The following NFASC variants were observed in gnomAD, a reference collection of about 807,000 sequenced individuals.
NFASC encodes the protein neurofascin homolog.
NFASC carries 43 observed loss-of-function variants against 147.5 expected under a neutral mutation model. That is an observed-to-expected ratio of 0.29 (90% CI 0.23 to 0.38). The LOEUF (loss-of-function observed/expected upper bound fraction) is 0.38, where lower values mean the gene tolerates loss of function less well. Ranked by LOEUF, NFASC falls within the 10% of genes least tolerant of loss-of-function variation. NFASC has a pLI of 1.00. For missense variants in NFASC, 1,320 were observed against 1,689.0 expected, an observed-to-expected ratio of 0.78 and a Z score of 3.83; for synonymous variants, 622 against 665.5, an observed-to-expected ratio of 0.93 and a Z score of 1.01.
intron 10 of NFASC, among the ~76,000 whole-genome samples, chr1:204,969,392 G>T (rs2095126948): frequency 6.6e-6 from 1 of 152,160 alleles, no homozygotes; most frequent in Non-Finnish European, 1.5e-5. Flanking sequence ...CTGGGGAGTG[G>T]TCATGGCCAA....
At chr1:204,933,227 A>G (rs1573276815) in intron 2 of NFASC, among the ~76,000 whole-genome samples, 1 of 152,218 alleles carries the variant, frequency 6.6e-6, no homozygotes, top group Admixed American at 6.5e-5. Context: ...GATTGGATGG[A>G]GGAGACCAAC....
intron 24 of NFASC, 84 bp from the exon 25 acceptor site, chr1:204,997,086 G>A: frequency 6.5e-7 from 1 of 1,547,360 alleles, no homozygotes; most frequent in African/African-American, 1.4e-5. Context: ...TCACCGGGCT[G>A]CCTGCCTTGC....
chr1:205,012,904 C>T, intron 29 of NFASC, 38 bp downstream of exon 29: 1 of 1,460,686 alleles, frequency 6.8e-7, no homozygotes, highest in Non-Finnish European at 9.6e-7. Flanking sequence ...GGCAGGCTGT[C>T]CTCCCTGTCC....
intron 21 of NFASC, among the ~76,000 whole-genome samples, chr1:204,982,360 C>A (rs1421643952): frequency 6.6e-6 from 1 of 152,260 alleles, no homozygotes; most frequent in South Asian, 2.1e-4. Context: ...GATCCCCTGG[C>A]AGTCTGCCTT....
At chr1:204,977,560 T>G (rs2095432122) in intron 16 of NFASC, 121 bp from the exon 17 acceptor site, 1 of 806,270 alleles carries the variant, frequency 1.2e-6, no homozygotes, top group Non-Finnish European at 2.0e-6. Flanking sequence ...GGGACAGCCC[T>G]GCCTAGAACA....
chr1:205,012,754 C>T lies in NFASC; in HGVS notation c.3422-43C>T, dbSNP rs375487127. On this transcript the variant is annotated intron_variant, in intron 28 of 29. Coordinates refer to ENST00000339876, the MANE Select transcript of NFASC (RefSeq NM_001005388.3). ...GAGCCCTAGAGAGCAGGGGCATGTA[C>T]TTAATCGTCGTGTCTGTGTCTTTGC... is the stretch of plus-strand genomic sequence containing the variant. 3.5e-5 allele frequency: 51 copies of T among 1,449,670 alleles called. No individual in the cohort carries two copies. The African/African-American group carries it at 6.8e-4, about 19-fold the overall frequency. The allele number at this position is 1,449,670 out of a possible 1,614,324, so 89.8% of individuals were successfully genotyped here.
At chr1:204,957,852 C>T (rs7519658) in intron 8 of NFASC, 26 bp downstream of exon 8, 350,422 of 1,610,192 alleles carry the variant, frequency 0.22, 41,202 homozygotes, top group African/African-American at 0.3. Flanking sequence ...TGTCCCGGGG[C>T]TGGGGGCCAA....
At position 204,881,777 on chromosome 1, in the gene NFASC, G is replaced by A. The variant is rs574900924; in HGVS notation, c.-199-38855G>A. Among the ~76,000 whole-genome samples the A allele has an allele frequency of 3.9e-4, 59 of 152,238 alleles. 1 individual carries two copies. The highest frequency in any genetic ancestry group is 1.4e-3 in the African/African-American group (57 of 41,558). On this transcript the variant is annotated intron_variant, in intron 1 of 29. Transcript: ENST00000339876. ...CTTTAGCCAGGTTCCTGAACCTTCC[G>A]CTAGGCCTACCTCGGCACTTCCTTA...
intron 20 of NFASC, 87 bp from the exon 21 acceptor site, chr1:204,981,711 T>A (rs766321083): frequency 3.6e-6 from 3 of 829,656 alleles, no homozygotes; most frequent in Non-Finnish European, 5.6e-6. Context: ...CTGGAAGGGA[T>A]GCCTGGCACA....
Position 204,946,482 on chromosome 1 carries a change from C to A in NFASC, c.91+2076C>A, listed in dbSNP as rs952299737. 5 of 414,578 alleles carry A rather than the reference C, an allele frequency of 1.2e-5. No homozygotes were observed. In the Admixed American group the frequency reaches 1.2e-4, roughly 10 times the overall value. 25.7% of individuals were successfully genotyped at this position (414,578 alleles called of 1,614,324 possible). A position where few individuals can be genotyped will look rare whatever the true frequency, so the allele number is the denominator to read the frequency against. On this transcript the variant is annotated intron_variant, in intron 3 of 29. Coordinates refer to ENST00000339876, the MANE Select transcript of NFASC (RefSeq NM_001005388.3). ...GAGACCCAGGCTGCCCGGAGCATGC[C>A]CCACACACATGGCACCTCCCCGGTT...
rs2094168322 is a variant in NFASC at position 204,952,265 on chromosome 1, G to C, written c.215+149G>C. 3.3e-5 allele frequency: 21 copies of C among 634,998 alleles called. No homozygotes were observed. The South Asian group carries it at 4.1e-4, about 12-fold the overall frequency. The allele number at this position is 634,998 out of a possible 1,614,324, so 39.3% of individuals were successfully genotyped here. A position where few individuals can be genotyped will look rare whatever the true frequency, so the allele number is the denominator to read the frequency against. The stretch of plus-strand genomic sequence containing the variant: ...CCTACTAGGTGGAAGGCATAATTGA[G>C]GTACCAGGAAATTTTGCCGGTAAGC... On this transcript the variant is annotated intron_variant, in intron 5 of 29. Coordinates refer to ENST00000339876, the MANE Select transcript of NFASC (RefSeq NM_001005388.3).
In NFASC at chr1:204,970,529, C is replaced by T. The variant is rs1041389675; in HGVS notation, c.1004-87C>T. The T allele has an allele frequency of 3.6e-5, 54 of 1,509,266 alleles. No homozygotes were observed. In the Middle Eastern group the frequency reaches 7.2e-4, roughly 20 times the overall value. 93.5% of individuals were successfully genotyped at this position (1,509,266 alleles called of 1,614,324 possible). ...CACGTGGTGCTGGGACTCAGGGGCT[C>T]CTGCCATACTAGAGGGAGACTGCTT... On this transcript the variant is annotated intron_variant, in intron 10 of 29. Coordinates refer to ENST00000339876, the MANE Select transcript of NFASC (RefSeq NM_001005388.3).
intron 1 of NFASC, among the ~76,000 whole-genome samples, chr1:204,873,040 T>C (rs1449668956): frequency 6.6e-6 from 1 of 152,160 alleles, no homozygotes; most frequent in Non-Finnish European, 1.5e-5. Flanking sequence ...CCATGTTGCC[T>C]CTCAGTAGAA....
At chr1:204,973,234 C>G in intron 11 of NFASC, 42 bp from the exon 12 acceptor site, 1 of 1,609,384 alleles carries the variant, frequency 6.2e-7, no homozygotes, top group South Asian at 1.1e-5. Flanking sequence ...TTCACCCTGC[C>G]CTCCCCATCT....
chr1:204,853,662 T>A (rs765852569), intron 1 of NFASC, among the ~76,000 whole-genome samples: 3 of 152,212 alleles, frequency 2.0e-5, no homozygotes, highest in Non-Finnish European at 4.4e-5. Flanking sequence ...TATCTCTTGG[T>A]ATTGTGCCAA....
chr1:204,854,668 A>G (rs1436147353), intron 1 of NFASC, among the ~76,000 whole-genome samples: 5 of 152,224 alleles, frequency 3.3e-5, no homozygotes, highest in African/African-American at 1.2e-4. Flanking sequence ...CTTAGTGCCA[A>G]CTTAGCACTG....
At chr1:204,997,448 C>T (rs774707959) in intron 25 of NFASC, 42 bp downstream of exon 25, 18 of 1,550,814 alleles carry the variant, frequency 1.2e-5, no homozygotes, top group East Asian at 2.4e-5. Context: ...TCCTGGCCCG[C>T]CTCCCCAGCG....
chr1:204,865,349 T>C (rs2077024921), intron 1 of NFASC, among the ~76,000 whole-genome samples: 2 of 152,234 alleles, frequency 1.3e-5, no homozygotes, highest in Admixed American at 6.5e-5. Flanking sequence ...TCTCAAAATA[T>C]CTTAATGTAC....
At chr1:204,973,169 C>T (rs923525326) in intron 11 of NFASC, 107 bp from the exon 12 acceptor site, 15 of 1,210,054 alleles carry the variant, frequency 1.2e-5, no homozygotes, top group Non-Finnish European at 1.8e-5. Context: ...CCATCTGGTG[C>T]TCCCCACAGC....
Sources: allele counts gnomAD v4.1 joint callset (sites outside exome capture counted in the v4.1 genomes callset), GRCh38; gene constraint gnomAD v4.1.1; transcripts MANE v1.5; gene names NCBI Gene and HGNC (gene_info 2026-07-23, HGNC 2026-07-21).